TRABD2A: variants seen among roughly 807,000 people sequenced by gnomAD.
TRABD2A encodes the protein metalloprotease TIKI1.
TRABD2A carries 43 observed loss-of-function variants against 45.6 expected under a neutral mutation model. The observed-to-expected ratio is 0.94, with a 90% CI of 0.74 to 1.22. TRABD2A has a LOEUF of 1.22. Ranked by LOEUF, TRABD2A falls within the 50% of genes most tolerant of loss-of-function variation. The probability of loss-of-function intolerance (pLI) is 0.00; values close to 1 mark genes in which losing one functional copy is unlikely to be tolerated. For missense variants in TRABD2A, 642 were observed against 652.4 expected (o/e 0.98, Z 0.17); for synonymous variants, 269 against 265.0 (o/e 1.02, Z -0.15).
At chr2:84,847,852 G>A (rs1681950493) in intron 2 of TRABD2A, among the ~76,000 whole-genome samples, 1 of 152,206 alleles carries the variant, frequency 6.6e-6, no homozygotes, top group Admixed American at 6.5e-5. Context: ...GTGTTGACGA[G>A]GTCATGCTCC....
chr2:84,866,984 C>A (rs763913591), intron 2 of TRABD2A, among the ~76,000 whole-genome samples: 1 of 151,978 alleles, frequency 6.6e-6, no homozygotes, highest in East Asian at 1.9e-4. Context: ...AGGAGGATGA[C>A]TTCAACCTGG....
At chr2:84,854,100 T>G (rs909767100) in intron 2 of TRABD2A, among the ~76,000 whole-genome samples, 1 of 150,772 alleles carries the variant, frequency 6.6e-6, no homozygotes, top group African/African-American at 2.4e-5. Flanking sequence ...AATAATACAA[T>G]TTTTAAAAAC....
At chr2:84,825,580 C>T (rs746531969) in intron 5 of TRABD2A, among the ~76,000 whole-genome samples, 4 of 152,126 alleles carry the variant, frequency 2.6e-5, no homozygotes, top group Non-Finnish European at 5.9e-5. Context: ...ACTGTGAAGC[C>T]ACTTAAATGA....
chr2:84,849,543 G>A (rs1444591831), intron 2 of TRABD2A: 1 of 147,454 alleles, frequency 6.8e-6, no homozygotes, highest in African/African-American at 2.4e-5. Flanking sequence ...CAGCTCTTTT[G>A]TACACCAGCT....
At chr2:84,847,061 C>A (rs1388869500) in intron 2 of TRABD2A, among the ~76,000 whole-genome samples, 1 of 152,186 alleles carries the variant, frequency 6.6e-6, no homozygotes. Context: ...TTGGAGTGAA[C>A]CTTTGGTCAG....
chr2:84,824,010 G>A lies in TRABD2A; in HGVS notation c.1277C>T (p.Ser426Leu). The change falls in exon 6 of 7, where the codon TCA (serine) becomes TTA (leucine). Residue 426 changes from serine to leucine, a missense_variant. Coordinates refer to ENST00000409520, the MANE Select transcript of TRABD2A (RefSeq NM_001277053.2). ...EQRFRKKRRR[S>L]QRRPRLRQFS... Reference sequence around the variant, plus strand: ...TTGCCGGAGTCGCGGCCTCCGCTGTGACCGCCTCCGCTTCTTCCGGAACCT... The same window carrying A: ...TTGCCGGAGTCGCGGCCTCCGCTGTAACCGCCTCCGCTTCTTCCGGAACCT... 2 of 1,613,782 alleles carry A rather than the reference G, an allele frequency of 1.2e-6. No individual in the cohort carries two copies. The highest frequency in any genetic ancestry group is 1.7e-6 in the Non-Finnish European group (2 of 1,179,768).
chr2:84,841,215 C>T (rs944920936), intron 3 of TRABD2A, among the ~76,000 whole-genome samples: 2 of 152,204 alleles, frequency 1.3e-5, no homozygotes, highest in African/African-American at 2.4e-5. Context: ...TTGATAAAAG[C>T]ATAACAAAGA....
chr2:84,821,776 A>C lies in TRABD2A; in HGVS notation c.*141T>G, dbSNP rs1681006194. ...ACCCAAAGTCACATTCCTTGGAAAG[A>C]GAAGAATCAACACTGGGCCGCTTTT... On this transcript the variant is annotated 3_prime_UTR_variant, in exon 7 of 7. Transcript: ENST00000409520. 1 of 848,058 alleles carries C rather than the reference A, an allele frequency of 1.2e-6. No individual in the cohort carries two copies. Among genetic ancestry groups the C allele is most frequent in the South Asian group, 4.0e-5 (1 of 25,224 alleles). The allele number at this position is 848,058 out of a possible 1,614,324, so 52.5% of individuals were successfully genotyped here. A position where few individuals can be genotyped will look rare whatever the true frequency, so the allele number is the denominator to read the frequency against.
At chr2:84,873,991 C>T (rs1195590125) in intron 1 of TRABD2A, among the ~76,000 whole-genome samples, 1 of 152,024 alleles carries the variant, frequency 6.6e-6, no homozygotes, top group Non-Finnish European at 1.5e-5. Flanking sequence ...TCATGTTAAA[C>T]AAATATATTC....
intron 2 of TRABD2A, among the ~76,000 whole-genome samples, chr2:84,848,216 A>T (rs757708317): frequency 7.9e-5 from 12 of 152,104 alleles, no homozygotes; most frequent in Non-Finnish European, 1.2e-4. Context: ...TATGGTAAAA[A>T]TTTTAAACAG....
At chr2:84,853,384 G>A (rs4240197) in intron 2 of TRABD2A, among the ~76,000 whole-genome samples, 17,014 of 152,134 alleles carry the variant, frequency 0.11, 1,269 homozygotes, top group Non-Finnish European at 0.16. Flanking sequence ...CATGTCCTTC[G>A]TCACATGGCA....
intron 2 of TRABD2A, among the ~76,000 whole-genome samples, chr2:84,854,225 C>G (rs745515954): frequency 6.6e-6 from 1 of 152,064 alleles, no homozygotes. Flanking sequence ...CCAAATGCAA[C>G]TTGCCATTTT....
In TRABD2A at chr2:84,839,254, A is replaced by C. The variant is rs1681625892; in HGVS notation, c.886T>G (p.Leu296Val). The C allele has an allele frequency of 3.7e-6, 6 of 1,613,822 alleles. No individual in the cohort carries two copies. The highest frequency in any genetic ancestry group is 5.1e-6 in the Non-Finnish European group (6 of 1,179,882). ...RITAQEIDSY[L>V]RRELIYKRNE... ...CGCTTGTAGATCAGCTCCCGGCGTA[A>C]GTAGCTGTCAATCTCCTGAGCAGTG... The change falls in exon 4 of 7, where the codon TTA becomes GTA. Residue 296 changes from leucine (L) to valine (V), a missense_variant. By Grantham distance (32) the Leu-to-Val change is conservative (BLOSUM62 1). Transcript: ENST00000409520.
intron 2 of TRABD2A, among the ~76,000 whole-genome samples, chr2:84,867,579 A>G (rs34181864): frequency 0.14 from 21,068 of 152,218 alleles, 1,881 homozygotes; most frequent in African/African-American, 0.26. Flanking sequence ...GCCAAAATTG[A>G]CAAATGGGAT....
chr2:84,850,967 C>T (rs1682067966), intron 2 of TRABD2A: 1 of 152,320 alleles, frequency 6.6e-6, no homozygotes, highest in South Asian at 2.1e-4. Context: ...AAGACCTTAG[C>T]ACTAACCAGG....
chr2:84,863,562 C>A (rs1437251391), intron 2 of TRABD2A, among the ~76,000 whole-genome samples: 2 of 142,314 alleles, frequency 1.4e-5, no homozygotes, highest in African/African-American at 5.2e-5. Flanking sequence ...CAGTCTATAT[C>A]TACATAGCTC....
intron 5 of TRABD2A, among the ~76,000 whole-genome samples, chr2:84,829,194 C>G (rs1681237540): frequency 6.6e-6 from 1 of 152,010 alleles, no homozygotes; most frequent in Non-Finnish European, 1.5e-5. Flanking sequence ...GATGATCCAC[C>G]AATAAATGCT....
At chr2:84,854,064 A>C (rs765733975) in intron 2 of TRABD2A, among the ~76,000 whole-genome samples, 1 of 148,902 alleles carries the variant, frequency 6.7e-6, no homozygotes, top group African/African-American at 2.4e-5. Context: ...ATATAAATAT[A>C]TATTATTTAT....
At chr2:84,829,421 A>G (rs1269350970) in intron 5 of TRABD2A, among the ~76,000 whole-genome samples, 1 of 149,860 alleles carries the variant, frequency 6.7e-6, no homozygotes, top group African/African-American at 2.5e-5. Flanking sequence ...CACATACCAC[A>G]CACACTACAC....
Sources: gnomAD v4.1 joint callset for allele counts (sites outside exome capture counted in the v4.1 genomes callset) on GRCh38, gnomAD v4.1.1 for gene constraint, MANE v1.5 for transcripts, NCBI Gene and HGNC (gene_info 2026-07-23, HGNC 2026-07-21) for gene names.